The following CCDC90B variants were observed in gnomAD, a reference collection of about 807,000 sequenced individuals.
CCDC90B encodes the protein coiled-coil domain containing 90B, also known as coiled-coil domain-containing protein 90B, mitochondrial.
CCDC90B carries 24 observed loss-of-function variants against 37.0 expected under a neutral mutation model. The observed-to-expected ratio is 0.65, with a 90% CI of 0.47 to 0.91. CCDC90B has a LOEUF of 0.91. CCDC90B is among the 40% of genes least tolerant of loss of function. The pLI is 0.00. For missense variants in CCDC90B, 319 were observed against 299.0 expected (o/e 1.07, Z -0.49); for synonymous variants, 113 against 101.1 (o/e 1.12, Z -0.71).
Position 83,286,000 on chromosome 11 carries a change from G to A in CCDC90B, c.-28C>T. On this transcript the variant is annotated 5_prime_UTR_variant, in exon 1 of 9. Coordinates refer to ENST00000529689, the MANE Select transcript of CCDC90B (RefSeq NM_021825.5). ...CCTCAGAGTTTTCCGGTGGGAGGGA[G>A]GCGGAAGACGGGGTAAATCTCGCAC... 2 of 1,590,522 alleles carry A rather than the reference G, an allele frequency of 1.3e-6. No individual in the cohort carries two copies. The highest frequency in any genetic ancestry group is 1.7e-6 in the Non-Finnish European group (2 of 1,168,306).
At chr11:83,285,619 A>G in intron 1 of CCDC90B, 1 of 1,343,696 alleles carries the variant, frequency 7.4e-7, no homozygotes, top group African/African-American at 1.5e-5. Context: ...CGGCTGAGAA[A>G]GAAGCCGGGC....
chr11:83,275,287 T>TA (rs1462058990), intron 3 of CCDC90B, among the ~76,000 whole-genome samples: 1 of 152,228 alleles, frequency 6.6e-6, no homozygotes, highest in Admixed American at 6.5e-5. Flanking sequence ...ACTTACCTGA[T>TA]AGATTTATAA....
At chr11:83,274,515 T>C (rs1297265617) in intron 4 of CCDC90B, 124 bp downstream of exon 4, 3 of 557,028 alleles carry the variant, frequency 5.4e-6, no homozygotes, top group Non-Finnish European at 9.4e-6. Context: ...TGTTTTTAAA[T>C]CTAAAAACTT....
At chr11:83,262,589 C>T (rs1394899946) in intron 8 of CCDC90B, among the ~76,000 whole-genome samples, 1 of 152,114 alleles carries the variant, frequency 6.6e-6, no homozygotes, top group African/African-American at 2.4e-5. Flanking sequence ...TTTAGGGACT[C>T]CCTAGTCTCC....
chr11:83,278,590 TG>T (rs1865181570), intron 3 of CCDC90B, 135 bp downstream of exon 3: 1 of 564,406 alleles, frequency 1.8e-6, no homozygotes, highest in Non-Finnish European at 3.2e-6. Context: ...CTTTATTCAA[TG>T]TTTTTTTTTG....
rs1863948601 is a variant in CCDC90B, at chr11:83,261,933, C to T, written c.743G>A (p.Gly248Glu). Residue 248 changes from glycine (G) to glutamate (E), a missense_variant, in exon 9 of 9, where the codon GGA (glycine) becomes GAA (glutamate). Transcript: ENST00000529689. ...SVFTCLAIAL[G>E]FYRFWK ...ATACTACTTCCAGAATCTATAAAAT[C>T]CCAATGCTATTGCCAGGCAAGTAAA... The T allele has an allele frequency of 6.2e-7, 1 of 1,603,982 alleles. No individual in the cohort carries two copies. The highest frequency in any genetic ancestry group is 2.3e-5 in the East Asian group (1 of 44,194).
rs1591021892 is a variant in CCDC90B, at chr11:83,261,240, T to C, written c.*671A>G. ...TGCCACCATGCCTGGCTAATTTTTG[T>C]ATTTTTAGCAGAGACGGGGTTTCAC... On this transcript the variant is annotated 3_prime_UTR_variant, in exon 9 of 9. Transcript: ENST00000529689. 3 of 152,316 alleles carry C rather than the reference T, an allele frequency of 2.0e-5. No individual in the cohort carries two copies. Among genetic ancestry groups the C allele is most frequent in the Admixed American group, 2.0e-4 (3 of 15,296 alleles). The allele number at this position is 152,316 out of a possible 1,614,324, so 9.4% of individuals were successfully genotyped here.
intron 1 of CCDC90B, among the ~76,000 whole-genome samples, chr11:83,282,191 G>C (rs1364557441): frequency 1.3e-5 from 2 of 152,228 alleles, no homozygotes; most frequent in Non-Finnish European, 2.9e-5. Context: ...CTAAGTATTG[G>C]TTGTTTGCCC....
At chr11:83,277,124 A>T (rs1865083546) in intron 3 of CCDC90B, among the ~76,000 whole-genome samples, 1 of 152,208 alleles carries the variant, frequency 6.6e-6, no homozygotes, top group African/African-American at 2.4e-5. Context: ...TTTAATAGTG[A>T]TATTTCTATA....
chr11:83,279,618 T>C (rs1865266710), intron 2 of CCDC90B, among the ~76,000 whole-genome samples: 1 of 152,194 alleles, frequency 6.6e-6, no homozygotes, highest in Non-Finnish European at 1.5e-5. Context: ...AATAAGGGGA[T>C]CTAATATATT....
In CCDC90B at chr11:83,260,361, G is replaced by C. The variant is rs1309664897; in HGVS notation, c.*1550C>G. The C allele has an allele frequency of 1.3e-5, 2 of 152,112 alleles. No individual in the cohort carries two copies. Among genetic ancestry groups the C allele is most frequent in the Non-Finnish European group, 2.9e-5 (2 of 68,030 alleles). 9.4% of individuals were successfully genotyped at this position (152,112 alleles called of 1,614,324 possible). On this transcript the variant is annotated 3_prime_UTR_variant, in exon 9 of 9. Transcript: ENST00000529689. Reference sequence around the variant, plus strand: ...AACAAATGCAGTATACTTTGTTACAGTGGACTTTAATATATATGGTAACTT... The same window carrying C: ...AACAAATGCAGTATACTTTGTTACACTGGACTTTAATATATATGGTAACTT...
intron 1 of CCDC90B, chr11:83,285,325 G>A: frequency 8.3e-7 from 1 of 1,198,002 alleles, no homozygotes; most frequent in Non-Finnish European, 1.1e-6. Flanking sequence ...CTGTTAACAG[G>A]GGTGCCAACA....
chr11:83,266,013 G>A (rs1383761810), intron 7 of CCDC90B, 34 bp from the exon 8 acceptor site: 2 of 1,154,518 alleles, frequency 1.7e-6, no homozygotes, highest in South Asian at 1.3e-5. Context: ...ACTTAATTTT[G>A]TCCCTATGTA....
chr11:83,266,054 C>A, intron 7 of CCDC90B, 75 bp from the exon 8 acceptor site: 1 of 756,742 alleles, frequency 1.3e-6, no homozygotes, highest in South Asian at 1.6e-5. Flanking sequence ...ACATTATAAA[C>A]CCTCACTTAT....
In CCDC90B at chr11:83,286,346, C is replaced by A. The variant is rs1865695214; in HGVS notation, c.-374G>T. ...GCCAGCGGCCATTACGCGCTTGGGT[C>A]GGGGGAGATGGAGTCGCATTTAGCC... On this transcript the variant is annotated 5_prime_UTR_variant, in exon 1 of 9. Coordinates refer to ENST00000529689, the MANE Select transcript of CCDC90B (RefSeq NM_021825.5). 2 of 703,026 alleles carry A rather than the reference C, an allele frequency of 2.8e-6. No individual in the cohort carries two copies. Among genetic ancestry groups the A allele is most frequent in the Admixed American group, 2.9e-5 (1 of 34,142 alleles). The allele number at this position is 703,026 out of a possible 1,614,324, so 43.5% of individuals were successfully genotyped here.
intron 1 of CCDC90B, among the ~76,000 whole-genome samples, chr11:83,281,561 A>AT (rs1865384950): frequency 6.6e-6 from 1 of 152,216 alleles, no homozygotes; most frequent in Non-Finnish European, 1.5e-5. Flanking sequence ...AAAAACACAC[A>AT]TATTAGTACA....
At chr11:83,272,673 C>T (rs905737040) in intron 7 of CCDC90B, among the ~76,000 whole-genome samples, 3 of 152,118 alleles carry the variant, frequency 2.0e-5, no homozygotes, top group Non-Finnish European at 2.9e-5. Flanking sequence ...TGCTTATCTC[C>T]TTTATCTGGC....
In CCDC90B at chr11:83,261,812, G is replaced by A; in HGVS notation, c.*99C>T. On this transcript the variant is annotated 3_prime_UTR_variant, in exon 9 of 9. Transcript: ENST00000529689. ...GTCCGTATACACTTCGAATAATCTT[G>A]TGTAGTAAATTTTTGCTGCAACTGA... 1 of 779,282 alleles carries A rather than the reference G, an allele frequency of 1.3e-6. No homozygotes were observed. The highest frequency in any genetic ancestry group is 1.7e-5 in the South Asian group (1 of 60,446). The allele number at this position is 779,282 out of a possible 1,614,324, so 48.3% of individuals were successfully genotyped here. A position where few individuals can be genotyped will look rare whatever the true frequency, so the allele number is the denominator to read the frequency against.
intron 1 of CCDC90B, chr11:83,285,610 G>T: frequency 7.6e-7 from 1 of 1,322,016 alleles, no homozygotes. Context: ...CGGAAACAAC[G>T]GCTGAGAAAG....
Sources: allele counts gnomAD v4.1 joint callset (sites outside exome capture counted in the v4.1 genomes callset), GRCh38; gene constraint gnomAD v4.1.1; transcripts MANE v1.5; gene names NCBI Gene and HGNC (gene_info 2026-07-23, HGNC 2026-07-21).